Variants in AGXT2 observed in about 807,000 individuals in gnomAD.
AGXT2 encodes alanine--glyoxylate aminotransferase 2, also known as alanine--glyoxylate aminotransferase 2, mitochondrial.
AGXT2 carries 61 observed loss-of-function variants against 62.5 expected under a neutral mutation model. The ratio of observed to expected loss-of-function variants is 0.98; its 90% CI spans 0.79 to 1.21. The LOEUF (loss-of-function observed/expected upper bound fraction) is 1.21. Ranked by LOEUF, AGXT2 falls within the 50% of genes most tolerant of loss-of-function variation. The pLI is 0.00. For missense variants in AGXT2, 666 were observed against 641.5 expected, an observed-to-expected ratio of 1.04 and a Z score of -0.41; for synonymous variants, 243 against 218.7, an observed-to-expected ratio of 1.11 and a Z score of -0.98.
At chr5:35,029,341 G>A (rs1458202936) in intron 7 of AGXT2, among the ~76,000 whole-genome samples, 1 of 152,210 alleles carries the variant, frequency 6.6e-6, no homozygotes. Context: ...AAATCAAAGA[G>A]TGGAGCTTAA....
intron 10 of AGXT2, 98 bp downstream of exon 10, chr5:35,013,889 A>G (rs1250191072): frequency 1.3e-6 from 2 of 1,555,930 alleles, no homozygotes; most frequent in African/African-American, 1.4e-5. Flanking sequence ...TGTGGTTTCC[A>G]TGATTGTCTC....
chr5:35,028,946 C>T lies in AGXT2; in HGVS notation c.770-2436G>A, dbSNP rs529340993. ...AACCTTCTGCAATCACCATCAAAAC[C>T]GAATTTTATACCTCAGCTCTTCATT... On this transcript the variant is annotated intron_variant, in intron 7 of 13. Transcript: ENST00000231420. 1.7e-4 allele frequency among the ~76,000 whole-genome samples: 26 copies of T among 152,272 alleles called. 1 individual carries two copies. In the South Asian group the frequency reaches 4.8e-3, roughly 28 times the overall value.
intron 9 of AGXT2, among the ~76,000 whole-genome samples, chr5:35,021,374 G>T (rs1228556907): frequency 2.6e-5 from 4 of 151,342 alleles, no homozygotes; most frequent in Non-Finnish European, 5.9e-5. Context: ...CCAAAACAGA[G>T]ATATAGATCA....
rs141517323 is a variant in AGXT2 at position 35,030,766 on chromosome 5, C to T, written c.769+1966G>A. On this transcript the variant is annotated intron_variant, in intron 7 of 13. Transcript: ENST00000231420. ...GGAAATGACCACCTTTTAGTGCTTC[C>T]GTCTACTAGGCTCTGTGCTGGTGGT... Among the ~76,000 whole-genome samples, 12 of 152,278 alleles carry T rather than the reference C, an allele frequency of 7.9e-5. No individual in the cohort carries two copies. In the East Asian group the frequency reaches 2.3e-3, roughly 29 times the overall value.
intron 1 of AGXT2, 123 bp downstream of exon 1, chr5:35,047,682 G>T: frequency 1.6e-6 from 2 of 1,264,154 alleles, no homozygotes; most frequent in Non-Finnish European, 1.1e-6. Context: ...TCAAAAACAT[G>T]CCTCATCTCT....
intron 1 of AGXT2, among the ~76,000 whole-genome samples, chr5:35,044,153 T>C (rs183003584): frequency 5.9e-5 from 9 of 152,322 alleles, no homozygotes; most frequent in Admixed American, 4.6e-4. Context: ...CAGATGGAAT[T>C]CGAGGCCTTG....
At chr5:35,035,513 C>T (rs149274) in intron 4 of AGXT2, among the ~76,000 whole-genome samples, 197 bp from the exon 5 acceptor site, 145,899 of 152,162 alleles carry the variant, frequency 0.96, 70,163 homozygotes, top group Non-Finnish European at 1. Flanking sequence ...CACTAAGTGC[C>T]AGACATACAA....
At position 35,013,781 on chromosome 5, in the gene AGXT2, T is replaced by C. The variant is rs1333937571; in HGVS notation, c.1096+206A>G. The stretch of plus-strand genomic sequence containing the variant: ...CTGGGTGACAGAGCAAGACTCTGTC[T>C]CAAAAAAAAAAAAAAAAAAGGGCTG... On this transcript the variant is annotated intron_variant, in intron 10 of 13. Transcript: ENST00000231420. Among the ~76,000 whole-genome samples the C allele has an allele frequency of 1.9e-4, 11 of 59,336 alleles. No individual in the cohort carries two copies. The East Asian group carries it at 3.1e-3, about 16-fold the overall frequency. 38.9% of individuals were successfully genotyped at this position (59,336 alleles called of 152,430 possible).
chr5:35,028,044 C>G (rs557758953), intron 7 of AGXT2, among the ~76,000 whole-genome samples: 1 of 151,794 alleles, frequency 6.6e-6, no homozygotes, highest in Admixed American at 6.6e-5. Flanking sequence ...CCTATAAGAT[C>G]CCTTACTTTG....
chr5:35,047,936 G>A lies in AGXT2; in HGVS notation c.-44C>T, dbSNP rs201815043. ...CAACCCCCATGGAAGCAGATTGGAG[G>A]CCGGGCTCTAACTGCTCACTATCCT... On this transcript the variant is annotated 5_prime_UTR_variant, in exon 1 of 14. Coordinates refer to ENST00000231420, the MANE Select transcript of AGXT2 (RefSeq NM_031900.4). 7 of 1,612,724 alleles carry A rather than the reference G, an allele frequency of 4.3e-6. No homozygotes were observed. In the Admixed American group the frequency reaches 1.0e-4, roughly 23 times the overall value.
intron 9 of AGXT2, among the ~76,000 whole-genome samples, chr5:35,024,581 A>G (rs1051502830): frequency 6.6e-6 from 1 of 152,146 alleles, no homozygotes; most frequent in African/African-American, 2.4e-5. Flanking sequence ...AATTCAACCT[A>G]TTTTACAATT....
At chr5:35,026,849 A>G in intron 7 of AGXT2, 1 of 985,286 alleles carries the variant, frequency 1.0e-6, no homozygotes, top group Non-Finnish European at 1.2e-6. Flanking sequence ...CGTCCTCTCA[A>G]ACAGGTGGAT....
chr5:35,026,188 A>G, intron 8 of AGXT2: 1 of 607,842 alleles, frequency 1.6e-6, no homozygotes, highest in South Asian at 2.0e-5. Context: ...TAAGAATTTT[A>G]GGAGTTCGGT....
chr5:35,024,980 C>G (rs922157354), intron 9 of AGXT2, among the ~76,000 whole-genome samples: 1 of 151,980 alleles, frequency 6.6e-6, no homozygotes, highest in African/African-American at 2.4e-5. Context: ...CAAAAAGAAA[C>G]AAACAAACAA....
Position 35,047,882 on chromosome 5 carries a change from A to G in AGXT2, c.11T>C (p.Ile4Thr), listed in dbSNP as rs772317266. The G allele has an allele frequency of 3.7e-6, 6 of 1,613,904 alleles. No individual in the cohort carries two copies. Among genetic ancestry groups the G allele is most frequent in the African/African-American group, 1.3e-5 (1 of 74,886 alleles). MTL[I>T]WRHLLRPLCL... ...CAAGGGTCTCAGCAAATGTCTCCAGATTAGAGTCATTTCTCCCACTCAGAA... is the reference window on the plus strand; with the variant it reads ...CAAGGGTCTCAGCAAATGTCTCCAGGTTAGAGTCATTTCTCCCACTCAGAA... Residue 4 changes from isoleucine (I) to threonine (T), a missense_variant, in exon 1 of 14, where the codon ATC (isoleucine) becomes ACC (threonine). Coordinates refer to ENST00000231420, the MANE Select transcript of AGXT2 (RefSeq NM_031900.4).
chr5:35,027,643 T>C (rs569452015), intron 7 of AGXT2, among the ~76,000 whole-genome samples: 46 of 151,956 alleles, frequency 3.0e-4, no homozygotes, highest in Non-Finnish European at 6.3e-4. Flanking sequence ...GTTTTGTGTA[T>C]TGTATATTTA....
chr5:35,009,979 G>A, intron 12 of AGXT2, 21 bp downstream of exon 12: 1 of 1,614,106 alleles, frequency 6.2e-7, no homozygotes, highest in Non-Finnish European at 8.5e-7. Context: ...AGCTGAGAGA[G>A]AGGGGCAGAT....
intron 2 of AGXT2, 47 bp from the exon 3 acceptor site, chr5:35,039,555 TA>T (rs932482518): frequency 5.0e-6 from 8 of 1,585,272 alleles, no homozygotes; most frequent in Non-Finnish European, 4.3e-6. Flanking sequence ...ACAAGATCAA[TA>T]GCAGTCAATC....
chr5:35,016,360 T>C (rs1766850009), intron 9 of AGXT2, among the ~76,000 whole-genome samples: 1 of 152,194 alleles, frequency 6.6e-6, no homozygotes, highest in Non-Finnish European at 1.5e-5. Context: ...CTAAGCTAAC[T>C]ATGGGAGGAA....
Sources: gnomAD v4.1 joint callset for allele counts (sites outside exome capture counted in the v4.1 genomes callset) on GRCh38, gnomAD v4.1.1 for gene constraint, MANE v1.5 for transcripts, NCBI Gene and HGNC (gene_info 2026-07-23, HGNC 2026-07-21) for gene names.